MTUS2: variants seen among roughly 807,000 people sequenced by gnomAD.
MTUS2 encodes microtubule associated scaffold protein 2.
A neutral mutation model predicts 114.1 loss-of-function variants in MTUS2; 40 were observed. The observed-to-expected ratio is 0.35, with a 90% CI of 0.27 to 0.46. The LOEUF (loss-of-function observed/expected upper bound fraction) is 0.46. Among genes scored for constraint, MTUS2 ranks in the 20% least tolerant of loss-of-function variants. MTUS2 has a pLI of 1.00. For synonymous variants in MTUS2, 688 were observed against 672.0 expected (o/e 1.02, Z -0.37); for missense variants, 1,679 against 1,705.4 (o/e 0.98, Z 0.27).
chr13:28,918,464 A>G (rs537808819), intron 2 of MTUS2, among the ~76,000 whole-genome samples: 1 of 151,952 alleles, frequency 6.6e-6, no homozygotes, highest in Non-Finnish European at 1.5e-5. Flanking sequence ...AATCTATTTT[A>G]TCTGATTTAC....
At position 29,428,646 on chromosome 13, in the gene MTUS2, C is replaced by T. The variant is rs569075983; in HGVS notation, c.3118-11337C>T. 6.3e-5 allele frequency: 64 copies of T among 1,008,896 alleles called. 1 individual carries two copies. The Admixed American group carries it at 2.0e-3, about 31-fold the overall frequency. The allele number at this position is 1,008,896 out of a possible 1,614,324, so 62.5% of individuals were successfully genotyped here. ...GCAGCAAGATCTGATCGCTGCTGCC[C>T]TGCTCTCCTCCTCCTCTCATTCCTC... On this transcript the variant is annotated intron_variant, in intron 8 of 15. Transcript: ENST00000612955.
intron 7 of MTUS2, among the ~76,000 whole-genome samples, chr13:29,338,243 A>C (rs1901185383): frequency 6.6e-6 from 1 of 152,100 alleles, no homozygotes; most frequent in African/African-American, 2.4e-5. Context: ...ATTTTAACTA[A>C]GTTTAATTCA....
At chr13:29,281,982 ATAGT>A (rs1000541580) in intron 6 of MTUS2, 117 bp downstream of exon 6, 76 of 1,176,752 alleles carry the variant, frequency 6.5e-5, no homozygotes, top group African/African-American at 9.3e-5. Flanking sequence ...TGATTAAATG[ATAGT>A]TAGTAACAAT....
At chr13:29,393,406 G>A (rs1229697136) in intron 8 of MTUS2, among the ~76,000 whole-genome samples, 4 of 152,124 alleles carry the variant, frequency 2.6e-5, no homozygotes, top group East Asian at 3.9e-4. Context: ...TTACTTTAGC[G>A]TCCTCTCCCA....
chr13:29,166,691 C>T (rs571228843), intron 5 of MTUS2, among the ~76,000 whole-genome samples: 1 of 152,248 alleles, frequency 6.6e-6, no homozygotes, highest in Non-Finnish European at 1.5e-5. Context: ...TCAAAATCAA[C>T]ACAATACATC....
intron 2 of MTUS2, among the ~76,000 whole-genome samples, chr13:28,842,999 G>A (rs995213452): frequency 2.0e-5 from 3 of 152,310 alleles, no homozygotes; most frequent in South Asian, 2.1e-4. Flanking sequence ...AGACATGCCT[G>A]TTGCCACTAG....
In MTUS2 at chr13:29,281,748, C is replaced by G. The variant is rs754490383; in HGVS notation, c.2689C>G (p.Leu897Val). The G allele has an allele frequency of 6.2e-7, 1 of 1,611,172 alleles. No individual in the cohort carries two copies. Among genetic ancestry groups the G allele is most frequent in the African/African-American group, 1.3e-5 (1 of 74,992 alleles). Residue 897 changes from leucine (L) to valine (V), a missense_variant, in exon 6 of 16, where the codon CTG (leucine) becomes GTG (valine). Physicochemically the swap from Leu to Val is conservative, Grantham distance 32 (BLOSUM62 1). Transcript: ENST00000612955. ...AGAACAGCCAGTTCTGAAGGCATCTCTGCCTTCTAAGGACACACCCAAGGG... is the reference window on the plus strand; with the variant it reads ...AGAACAGCCAGTTCTGAAGGCATCTGTGCCTTCTAAGGACACACCCAAGGG... ...NEEQPVLKASLPSKDTPKGAG... is the reference protein window; with the variant it reads ...NEEQPVLKASVPSKDTPKGAG...
chr13:28,857,237 A>G (rs1276163353), intron 2 of MTUS2, among the ~76,000 whole-genome samples: 2 of 152,238 alleles, frequency 1.3e-5, no homozygotes, highest in Non-Finnish European at 1.5e-5. Flanking sequence ...TGAAGATGAT[A>G]GATCTAGAAG....
In MTUS2 at chr13:29,315,412, A is replaced by C. The variant is rs937138513; in HGVS notation, c.2807-9201A>C. On this transcript the variant is annotated intron_variant, in intron 6 of 15. Coordinates refer to ENST00000612955, the MANE Select transcript of MTUS2 (RefSeq NM_001033602.4). The stretch of plus-strand genomic sequence containing the variant: ...TCACCGCATATTGTTTACATGTTCC[A>C]AAATATCACTCTGTACCCCATACAT... Among the ~76,000 whole-genome samples the C allele has an allele frequency of 9.2e-5, 14 of 152,238 alleles. No homozygotes were observed. In the South Asian group the frequency reaches 1.0e-3, roughly 11 times the overall value.
rs1381244238 is a variant in MTUS2, at chr13:28,906,160, T to G, written c.-243+66310T>G. Among the ~76,000 whole-genome samples the G allele has an allele frequency of 3.3e-5, 5 of 151,626 alleles. No homozygotes were observed. In the East Asian group the frequency reaches 9.7e-4, roughly 29 times the overall value. On this transcript the variant is annotated intron_variant, in intron 2 of 15. Transcript: ENST00000612955. The stretch of plus-strand genomic sequence containing the variant: ...TCTTCTCTGTTTTCTTCTTTATTAG[T>G]CTTGCTAGCGGTCTATCAATTTTGT...
intron 12 of MTUS2, among the ~76,000 whole-genome samples, chr13:29,494,865 C>CT (rs1882423827): frequency 6.6e-6 from 1 of 152,016 alleles, no homozygotes; most frequent in Non-Finnish European, 1.5e-5. Flanking sequence ...ATGGTGAAAC[C>CT]TGTCTCTACT....
At chr13:29,030,404 T>C (rs1483548646) in intron 3 of MTUS2, among the ~76,000 whole-genome samples, 1 of 152,186 alleles carries the variant, frequency 6.6e-6, no homozygotes, top group African/African-American at 2.4e-5. Flanking sequence ...TTTCCCTCCC[T>C]GTATCTGGGG....
At chr13:29,122,973 C>A (rs78181688) in intron 5 of MTUS2, among the ~76,000 whole-genome samples, 2,936 of 152,248 alleles carry the variant, frequency 0.019, 104 homozygotes, top group African/African-American at 0.067. Context: ...TAGTTCCATG[C>A]CTGGTCTATA....
chr13:29,367,803 A>T, intron 8 of MTUS2, among the ~76,000 whole-genome samples: 1 of 152,146 alleles, frequency 6.6e-6, no homozygotes, highest in East Asian at 1.9e-4. Flanking sequence ...GAAATGTTTA[A>T]AGGGGTCATG....
intron 7 of MTUS2, among the ~76,000 whole-genome samples, chr13:29,333,439 C>T (rs961379543): frequency 2.0e-5 from 3 of 151,814 alleles, no homozygotes; most frequent in East Asian, 2.0e-4. Flanking sequence ...TCAGGTGATC[C>T]GCATGCCTTA....
chr13:28,880,816 C>T (rs1878240345), intron 2 of MTUS2, among the ~76,000 whole-genome samples: 1 of 152,122 alleles, frequency 6.6e-6, no homozygotes, highest in South Asian at 2.1e-4. Flanking sequence ...CCATGGTTAA[C>T]AGTACAGCAT....
At chr13:29,475,230 T>A (rs1006371343) in intron 9 of MTUS2, among the ~76,000 whole-genome samples, 1 of 152,200 alleles carries the variant, frequency 6.6e-6, no homozygotes, top group Non-Finnish European at 1.5e-5. Context: ...CATAGCACAA[T>A]GCATTACTCA....
chr13:29,381,482 T>A (rs1421020040), intron 8 of MTUS2, among the ~76,000 whole-genome samples: 1 of 152,208 alleles, frequency 6.6e-6, no homozygotes, highest in Non-Finnish European at 1.5e-5. Context: ...TTGCTAACAT[T>A]TACATATGTT....
intron 8 of MTUS2, among the ~76,000 whole-genome samples, chr13:29,382,193 T>A (rs936709902): frequency 1.3e-5 from 2 of 152,008 alleles, no homozygotes; most frequent in Non-Finnish European, 2.9e-5. Context: ...TCTGGGGAGA[T>A]GGTTGACAGG....
Sources: allele counts gnomAD v4.1 joint callset (sites outside exome capture counted in the v4.1 genomes callset), GRCh38; gene constraint gnomAD v4.1.1; transcripts MANE v1.5; gene names NCBI Gene and HGNC (gene_info 2026-07-23, HGNC 2026-07-21).